KIRREL3: variants seen among roughly 807,000 people sequenced by gnomAD.
KIRREL3 encodes the protein kirre like nephrin family adhesion molecule 3, also known as kin of IRRE-like protein 3.
A neutral mutation model predicts 89.7 loss-of-function variants in KIRREL3; 36 were observed. The ratio of observed to expected loss-of-function variants is 0.40; its 90% CI spans 0.31 to 0.53. KIRREL3 has a LOEUF of 0.53. Among genes scored for constraint, KIRREL3 ranks in the 20% least tolerant of loss-of-function variants. The pLI is 0.49. For missense variants in KIRREL3, 864 were observed against 1,056.6 expected (o/e 0.82, Z 2.53); for synonymous variants, 445 against 441.4 (o/e 1.01, Z -0.10).
intron 2 of KIRREL3, among the ~76,000 whole-genome samples, chr11:126,546,692 C>T (rs539942889): frequency 2.6e-5 from 4 of 152,342 alleles, no homozygotes; most frequent in African/African-American, 9.6e-5. Flanking sequence ...CTCCCCAGCA[C>T]ACCTTTTGTC....
chr11:126,983,250 G>T lies in KIRREL3; in HGVS notation c.55+17205C>A, dbSNP rs1285468417. ...ATAATCCCAATAGATACACACGGGGGAAGGTCATTTTCTCTAACTTACAAG... is the reference window on the plus strand; with the variant it reads ...ATAATCCCAATAGATACACACGGGGTAAGGTCATTTTCTCTAACTTACAAG... On this transcript the variant is annotated intron_variant, in intron 1 of 16. Transcript: ENST00000525144. The surrounding 1 kb of genome is among the most constrained non-coding windows in gnomAD (Gnocchi z 4.9). 6.6e-6 allele frequency among the ~76,000 whole-genome samples: 1 copy of T among 152,172 alleles called. No individual in the cohort carries two copies. Among genetic ancestry groups the T allele is most frequent in the Admixed American group, 6.5e-5 (1 of 15,278 alleles).
intron 4 of KIRREL3, among the ~76,000 whole-genome samples, chr11:126,494,321 G>T (rs1240130884): frequency 6.6e-6 from 1 of 152,120 alleles, no homozygotes; most frequent in Admixed American, 6.5e-5. Flanking sequence ...CATAATGTTG[G>T]GGATTTTAAT....
At chr11:126,514,289 A>T (rs944265026) in intron 4 of KIRREL3, among the ~76,000 whole-genome samples, 1 of 152,206 alleles carries the variant, frequency 6.6e-6, no homozygotes, top group African/African-American at 2.4e-5. Flanking sequence ...AAACAGCCAC[A>T]TAGCACAAAT....
rs547810450 is a variant in KIRREL3 at position 126,627,944 on chromosome 11, C to T, written c.56-65032G>A. On this transcript the variant is annotated intron_variant, in intron 1 of 16. Coordinates refer to ENST00000525144, the MANE Select transcript of KIRREL3 (RefSeq NM_032531.4). The surrounding 1 kb of genome is among the most constrained non-coding windows in gnomAD (Gnocchi z 5.0). Reference sequence around the variant, plus strand: ...CACATCTTCATTCTGTCTCTCCCACCACCGAGCAAGGCTCGGTCTCCTGGT... The same window carrying T: ...CACATCTTCATTCTGTCTCTCCCACTACCGAGCAAGGCTCGGTCTCCTGGT... Among the ~76,000 whole-genome samples the T allele has an allele frequency of 6.6e-6, 1 of 152,332 alleles. No homozygotes were observed. The highest frequency in any genetic ancestry group is 2.4e-5 in the African/African-American group (1 of 41,580).
intron 12 of KIRREL3, among the ~76,000 whole-genome samples, chr11:126,436,163 C>T (rs925558980): frequency 6.6e-6 from 1 of 152,160 alleles, no homozygotes; most frequent in African/African-American, 2.4e-5. Context: ...CCTCCTGCCT[C>T]CTCCCTCTCA....
intron 1 of KIRREL3, among the ~76,000 whole-genome samples, chr11:126,950,835 G>A (rs1288533838): frequency 1.3e-5 from 2 of 152,224 alleles, no homozygotes; most frequent in African/African-American, 4.8e-5. Flanking sequence ...TGATGAAGAA[G>A]ATTAGACTGA....
chr11:126,813,001 T>C (rs149511911), intron 1 of KIRREL3, among the ~76,000 whole-genome samples: 10 of 152,312 alleles, frequency 6.6e-5, no homozygotes, highest in African/African-American at 2.2e-4. Context: ...CAATGATGCC[T>C]GTTTCTCCAT....
rs1173680411 is a variant in KIRREL3, at chr11:126,904,228, C to T, written c.55+96227G>A. Among the ~76,000 whole-genome samples the T allele has an allele frequency of 6.6e-6, 1 of 152,194 alleles. No individual in the cohort carries two copies. Among genetic ancestry groups the T allele is most frequent in the Non-Finnish European group, 1.5e-5 (1 of 68,034 alleles). ...CTATTTTTATCATTTGGACACCGAACTTCAGATGAGATATTCCAAGTTTCA... is the reference window on the plus strand; with the variant it reads ...CTATTTTTATCATTTGGACACCGAATTTCAGATGAGATATTCCAAGTTTCA... On this transcript the variant is annotated intron_variant, in intron 1 of 16. Coordinates refer to ENST00000525144, the MANE Select transcript of KIRREL3 (RefSeq NM_032531.4). The surrounding 1 kb of genome is among the most constrained non-coding windows in gnomAD (Gnocchi z 4.4).
chr11:126,954,828 C>T lies in KIRREL3; in HGVS notation c.55+45627G>A, dbSNP rs1948876848. ...CTCATAGAAGGCAGAAATTTATCTC[C>T]TGGAGTGTTCACCTATCATCATACG... On this transcript the variant is annotated intron_variant, in intron 1 of 16. Transcript: ENST00000525144. The surrounding 1 kb of genome is among the most constrained non-coding windows in gnomAD (Gnocchi z 4.1). Among the ~76,000 whole-genome samples, 1 of 152,136 alleles carries T rather than the reference C, an allele frequency of 6.6e-6. No homozygotes were observed. Among genetic ancestry groups the T allele is most frequent in the Non-Finnish European group, 1.5e-5 (1 of 68,032 alleles).
At chr11:126,450,453 CTG>C (rs752656723) in intron 7 of KIRREL3, among the ~76,000 whole-genome samples, 20 of 111,362 alleles carry the variant, frequency 1.8e-4, no homozygotes, top group Admixed American at 5.4e-4. Context: ...ATGTGCGCAT[CTG>C]TGAGTGTGTG....
intron 1 of KIRREL3, among the ~76,000 whole-genome samples, chr11:126,629,667 T>C (rs1397955302): frequency 6.6e-6 from 1 of 152,176 alleles, no homozygotes; most frequent in Non-Finnish European, 1.5e-5. Flanking sequence ...GTCTGCCCAA[T>C]GAGGAGGCCT....
intron 1 of KIRREL3, among the ~76,000 whole-genome samples, chr11:126,858,358 C>A (rs1275901858): frequency 1.3e-5 from 2 of 152,122 alleles, no homozygotes; most frequent in Admixed American, 6.5e-5. Flanking sequence ...CACTAAAGAT[C>A]CATCATAAAT....
chr11:126,675,003 G>A (rs1374298468), intron 1 of KIRREL3, among the ~76,000 whole-genome samples: 1 of 152,202 alleles, frequency 6.6e-6, no homozygotes, highest in African/African-American at 2.4e-5. Context: ...GGAAGAAGGG[G>A]CTCTTGGCTC....
rs1287620209 is a variant in KIRREL3, at chr11:126,491,012, G to A, written c.434-17546C>T. On this transcript the variant is annotated intron_variant, in intron 4 of 16. Transcript: ENST00000525144. The surrounding 1 kb of genome is among the most constrained non-coding windows in gnomAD (Gnocchi z 5.5). Reference sequence around the variant, plus strand: ...GAGCCTGTTGTCTCTTTGGAGAATGGGGCAGGGCTCTGTCTGGATTTTGGG... The same window carrying A: ...GAGCCTGTTGTCTCTTTGGAGAATGAGGCAGGGCTCTGTCTGGATTTTGGG... Among the ~76,000 whole-genome samples, 2 of 152,330 alleles carry A rather than the reference G, an allele frequency of 1.3e-5. No individual in the cohort carries two copies. Among genetic ancestry groups the A allele is most frequent in the African/African-American group, 2.4e-5 (1 of 41,580 alleles).
At chr11:126,986,972 G>A (rs1352528256) in intron 1 of KIRREL3, among the ~76,000 whole-genome samples, 13 of 152,124 alleles carry the variant, frequency 8.5e-5, no homozygotes, top group Middle Eastern at 3.2e-3. Flanking sequence ...TGGTGGGCTC[G>A]GTATAACACA....
intron 1 of KIRREL3, among the ~76,000 whole-genome samples, chr11:126,822,754 G>T (rs930614321): frequency 6.6e-6 from 1 of 152,136 alleles, no homozygotes; most frequent in Non-Finnish European, 1.5e-5. Context: ...CTGATGTCTG[G>T]GTTGGGCTGG....
chr11:126,782,791 A>G lies in KIRREL3; in HGVS notation c.55+217664T>C, dbSNP rs1950368346. Among the ~76,000 whole-genome samples, 1 of 152,234 alleles carries G rather than the reference A, an allele frequency of 6.6e-6. No individual in the cohort carries two copies. The highest frequency in any genetic ancestry group is 6.5e-5 in the Admixed American group (1 of 15,288). ...TATGGAAATATTTATAGCTATGTAT[A>G]TGTGAGGGCTAATATACACACAGAT... is the stretch of plus-strand genomic sequence containing the variant. On this transcript the variant is annotated intron_variant, in intron 1 of 16. Coordinates refer to ENST00000525144, the MANE Select transcript of KIRREL3 (RefSeq NM_032531.4). The surrounding 1 kb of genome is among the most constrained non-coding windows in gnomAD (Gnocchi z 4.1).
chr11:126,572,178 C>G (rs1246233011), intron 1 of KIRREL3, among the ~76,000 whole-genome samples: 1 of 152,152 alleles, frequency 6.6e-6, no homozygotes, highest in Non-Finnish European at 1.5e-5. Flanking sequence ...CCAAGAGTTC[C>G]CAAAAGACTA....
rs747803939 is a variant in KIRREL3, at chr11:126,428,066, C to T, written c.1806+1113G>A. 2.0e-5 allele frequency among the ~76,000 whole-genome samples: 3 copies of T among 152,222 alleles called. No individual in the cohort carries two copies. The highest frequency in any genetic ancestry group is 4.4e-5 in the Non-Finnish European group (3 of 68,046). On this transcript the variant is annotated intron_variant, in intron 15 of 16. Transcript: ENST00000525144. This position sits in a 1 kb window ranked among gnomAD's most constrained non-coding sequence, Gnocchi z 6.4. ...GGCTCCGAAGACCCCGGGATGAACACAGCAGCAGCTGCTCACCCTCTAGCA... is the reference window on the plus strand; with the variant it reads ...GGCTCCGAAGACCCCGGGATGAACATAGCAGCAGCTGCTCACCCTCTAGCA...
Sources: gnomAD v4.1 joint callset for allele counts (sites outside exome capture counted in the v4.1 genomes callset) on GRCh38, gnomAD v4.1.1 for gene constraint, Gnocchi (gnomAD v3.1) non-coding constraint, MANE v1.5 for transcripts, NCBI Gene and HGNC (gene_info 2026-07-23, HGNC 2026-07-21) for gene names.